DCC: variants seen among roughly 807,000 people sequenced by gnomAD.
DCC encodes DCC netrin 1 receptor.
In DCC, 58 loss-of-function variants were observed where a neutral mutation model predicts 172.5. The observed-to-expected ratio is 0.34, with a 90% CI of 0.27 to 0.42. The LOEUF (loss-of-function observed/expected upper bound fraction) is 0.42, where lower values mean the gene tolerates loss of function less well. DCC is among the 10% of genes least tolerant of loss of function. The probability of loss-of-function intolerance (pLI) is 1.00; values close to 1 mark genes in which losing one functional copy is unlikely to be tolerated. For missense variants in DCC, 1,740 were observed against 1,791.0 expected, an observed-to-expected ratio of 0.97 and a Z score of 0.51; for synonymous variants, 709 against 644.5, an observed-to-expected ratio of 1.10 and a Z score of -1.52.
At chr18:53,333,137 A>C (rs548883678) in intron 14 of DCC, among the ~76,000 whole-genome samples, 57 of 152,318 alleles carry the variant, frequency 3.7e-4, no homozygotes, top group African/African-American at 1.3e-3. Flanking sequence ...TACAAAGTAG[A>C]GTTCAGTGGT....
intron 19 of DCC, among the ~76,000 whole-genome samples, chr18:53,404,159 T>C (rs1038285543): frequency 5.3e-5 from 8 of 152,174 alleles, no homozygotes; most frequent in South Asian, 4.1e-4. Context: ...TTTTATTTTG[T>C]TATAATCAAT....
chr18:53,356,490 G>T (rs1226974999), intron 15 of DCC, among the ~76,000 whole-genome samples: 1 of 152,062 alleles, frequency 6.6e-6, no homozygotes, highest in African/African-American at 2.4e-5. Context: ...TTTTAGGTTT[G>T]CTTTTAGTCT....
At chr18:53,135,121 G>T (rs948761459) in intron 7 of DCC, among the ~76,000 whole-genome samples, 1 of 152,086 alleles carries the variant, frequency 6.6e-6, no homozygotes, top group Admixed American at 6.5e-5. Context: ...CTCACTATTT[G>T]CCAGACACCC....
intron 1 of DCC, among the ~76,000 whole-genome samples, chr18:52,540,267 C>A (rs35430914): frequency 8.9e-4 from 135 of 152,058 alleles, no homozygotes; most frequent in Non-Finnish European, 1.3e-3. Flanking sequence ...AAGGCCTTGT[C>A]TCTAAAAAAA....
intron 25 of DCC, among the ~76,000 whole-genome samples, chr18:53,476,483 A>G (rs970587726): frequency 6.6e-6 from 1 of 152,204 alleles, no homozygotes. Context: ...GATTTTAAAA[A>G]TGAGAGTCTC....
At chr18:52,783,685 T>C (rs924449602) in intron 2 of DCC, among the ~76,000 whole-genome samples, 6 of 151,432 alleles carry the variant, frequency 4.0e-5, no homozygotes, top group African/African-American at 1.5e-4. Context: ...AGTGTATATG[T>C]GTATGTATTA....
At chr18:53,059,614 A>AT (rs1470560415) in intron 5 of DCC, among the ~76,000 whole-genome samples, 1 of 152,192 alleles carries the variant, frequency 6.6e-6, no homozygotes, top group Non-Finnish European at 1.5e-5. Context: ...TCTGAAAAGT[A>AT]TTCTAAAATA....
chr18:52,688,113 G>A (rs1011048523), intron 1 of DCC, among the ~76,000 whole-genome samples: 6 of 139,328 alleles, frequency 4.3e-5, no homozygotes, highest in Non-Finnish European at 9.4e-5. Flanking sequence ...TTTTGAAAAT[G>A]TTCAGGGATC....
chr18:52,442,965 A>G lies in DCC; in HGVS notation c.91+102087A>G, dbSNP rs1430791639. On this transcript the variant is annotated intron_variant, in intron 1 of 28. Coordinates refer to ENST00000442544, the MANE Select transcript of DCC (RefSeq NM_005215.4). ...GTCACAGTTTCAGGGGATGCTTCTC[A>G]TGAGGAAAATAGGGCCCAAGATTCC... Among the ~76,000 whole-genome samples, 3 of 152,182 alleles carry G rather than the reference A, an allele frequency of 2.0e-5. No homozygotes were observed. In the East Asian group the frequency reaches 5.8e-4, roughly 29 times the overall value.
intron 7 of DCC, among the ~76,000 whole-genome samples, chr18:53,107,720 A>C (rs1310379761): frequency 6.6e-6 from 1 of 151,802 alleles, no homozygotes; most frequent in African/African-American, 2.4e-5. Flanking sequence ...ATATTTAAAG[A>C]GAGGCTTTCT....
intron 5 of DCC, among the ~76,000 whole-genome samples, chr18:53,055,757 C>G (rs1300560449): frequency 2.0e-5 from 3 of 152,040 alleles, no homozygotes; most frequent in Non-Finnish European, 4.4e-5. Context: ...AAGCAGACTT[C>G]AAGTCACTTG....
At chr18:52,579,662 A>C (rs1214744523) in intron 1 of DCC, among the ~76,000 whole-genome samples, 1 of 152,220 alleles carries the variant, frequency 6.6e-6, no homozygotes, top group African/African-American at 2.4e-5. Context: ...TTTGAACTTG[A>C]ATCTTCAATC....
intron 1 of DCC, among the ~76,000 whole-genome samples, chr18:52,591,687 A>T (rs2033802618): frequency 6.6e-6 from 1 of 151,746 alleles, no homozygotes; most frequent in Non-Finnish European, 1.5e-5. Flanking sequence ...GGCTCCAGCG[A>T]TCCTCTTGCC....
At chr18:53,006,087 A>G (rs1452896691) in intron 5 of DCC, among the ~76,000 whole-genome samples, 1 of 152,328 alleles carries the variant, frequency 6.6e-6, no homozygotes, top group Admixed American at 6.5e-5. Context: ...TGCAGTCCAC[A>G]TATATGTGTG....
intron 12 of DCC, among the ~76,000 whole-genome samples, chr18:53,262,404 G>A (rs2056617495): frequency 6.6e-6 from 1 of 152,162 alleles, no homozygotes; most frequent in African/African-American, 2.4e-5. Flanking sequence ...AACATTTGGT[G>A]TAGATAAAAT....
intron 27 of DCC, among the ~76,000 whole-genome samples, chr18:53,525,209 G>C (rs2046441306): frequency 6.6e-6 from 1 of 152,088 alleles, no homozygotes; most frequent in African/African-American, 2.4e-5. Context: ...TCTAAATGCA[G>C]ACTGGACTTA....
intron 5 of DCC, among the ~76,000 whole-genome samples, chr18:53,018,195 GA>G (rs2041834519): frequency 6.6e-6 from 1 of 152,072 alleles, no homozygotes; most frequent in African/African-American, 2.4e-5. Flanking sequence ...CAAAAGATTG[GA>G]AGCTAGCATC....
At chr18:52,672,177 A>G (rs1345547043) in intron 1 of DCC, among the ~76,000 whole-genome samples, 1 of 152,224 alleles carries the variant, frequency 6.6e-6, no homozygotes, top group Non-Finnish European at 1.5e-5. Flanking sequence ...GTTAGTATAC[A>G]ACGTGGGTAT....
At chr18:52,964,276 G>C (rs1426948210) in intron 5 of DCC, among the ~76,000 whole-genome samples, 2 of 152,066 alleles carry the variant, frequency 1.3e-5, no homozygotes, top group African/African-American at 4.8e-5. Context: ...TTCTGAAATA[G>C]TTTACCAACA....
Sources: allele counts gnomAD v4.1 joint callset (sites outside exome capture counted in the v4.1 genomes callset), GRCh38; gene constraint gnomAD v4.1.1; transcripts MANE v1.5; gene names NCBI Gene and HGNC (gene_info 2026-07-23, HGNC 2026-07-21).